STPG2: variants seen among roughly 807,000 people sequenced by gnomAD.
The protein encoded by STPG2 is sperm tail PG-rich repeat containing 2.
In STPG2, 56 loss-of-function variants were observed where a neutral mutation model predicts 54.2. The ratio of observed to expected loss-of-function variants is 1.03; its 90% CI spans 0.83 to 1.29. The LOEUF is 1.29. STPG2 is among the 50% of genes most tolerant of loss of function. The pLI is 0.00. For synonymous variants in STPG2, 200 were observed against 181.8 expected, an observed-to-expected ratio of 1.10 and a Z score of -0.81; for missense variants, 596 against 544.9, an observed-to-expected ratio of 1.09 and a Z score of -0.93.
intron 4 of STPG2, among the ~76,000 whole-genome samples, chr4:97,486,419 T>G (rs1179584530): frequency 6.6e-6 from 1 of 151,546 alleles, no homozygotes; most frequent in Non-Finnish European, 1.5e-5. Context: ...TGAAAAAATG[T>G]TCAACATCAC....
At chr4:97,697,458 T>C (rs1426637261) in intron 10 of STPG2, among the ~76,000 whole-genome samples, 1 of 152,156 alleles carries the variant, frequency 6.6e-6, no homozygotes, top group Non-Finnish European at 1.5e-5. Flanking sequence ...ATAAAAACAC[T>C]TGGAGGCTCT....
intron 8 of STPG2, among the ~76,000 whole-genome samples, chr4:97,872,206 G>C (rs34621463): frequency 0.26 from 39,571 of 150,806 alleles, 5,647 homozygotes; most frequent in Middle Eastern, 0.36. Flanking sequence ...GAAGTGCTAG[G>C]GGTATTTCAC....
chr4:97,820,996 C>T (rs1215962387), intron 9 of STPG2, among the ~76,000 whole-genome samples: 2 of 152,128 alleles, frequency 1.3e-5, no homozygotes, highest in Non-Finnish European at 2.9e-5. Context: ...TTGCAAATTA[C>T]AATCATGCTT....
intron 4 of STPG2, among the ~76,000 whole-genome samples, chr4:97,476,464 T>C (rs1280676354): frequency 6.6e-6 from 1 of 152,168 alleles, no homozygotes; most frequent in Non-Finnish European, 1.5e-5. Flanking sequence ...ATATACATGT[T>C]ATTCATATCT....
chr4:97,693,010 C>T (rs569326940), intron 10 of STPG2, among the ~76,000 whole-genome samples: 74 of 152,058 alleles, frequency 4.9e-4, no homozygotes, highest in African/African-American at 1.8e-3. Flanking sequence ...GAGAATTTGC[C>T]ACTACTAAGC....
intron 9 of STPG2, among the ~76,000 whole-genome samples, chr4:97,734,153 G>T (rs916830347): frequency 1.3e-5 from 2 of 152,004 alleles, no homozygotes; most frequent in Non-Finnish European, 2.9e-5. Context: ...TGAGTTATAT[G>T]GCCTTTACTG....
At chr4:98,055,361 A>C (rs1286384812) in intron 5 of STPG2, among the ~76,000 whole-genome samples, 1 of 152,046 alleles carries the variant, frequency 6.6e-6, no homozygotes, top group Non-Finnish European at 1.5e-5. Flanking sequence ...TTTTTAACAG[A>C]TCTTCAGAGG....
intron 9 of STPG2, among the ~76,000 whole-genome samples, chr4:97,724,671 TTTC>T (rs1260935808): frequency 1.3e-5 from 2 of 152,154 alleles, no homozygotes; most frequent in African/African-American, 4.8e-5. Flanking sequence ...GTTTATATCT[TTTC>T]TTCCAATACT....
intron 9 of STPG2, among the ~76,000 whole-genome samples, chr4:97,779,519 C>T (rs188685712): frequency 0.014 from 2,142 of 152,214 alleles, 29 homozygotes; most frequent in Non-Finnish European, 0.019. Flanking sequence ...AGGATATTAT[C>T]CAGGAGAACT....
chr4:97,771,606 G>A (rs191559702), intron 9 of STPG2, among the ~76,000 whole-genome samples: 2 of 152,178 alleles, frequency 1.3e-5, no homozygotes, highest in Admixed American at 6.5e-5. Context: ...TGGGGTTTCC[G>A]ATGCAGGAGA....
At chr4:97,836,504 T>C (rs141663992) in intron 9 of STPG2, among the ~76,000 whole-genome samples, 37 of 152,046 alleles carry the variant, frequency 2.4e-4, no homozygotes, top group African/African-American at 8.4e-4. Context: ...AAAAAACTCA[T>C]GTGACTCGCT....
chr4:97,970,675 G>A lies in STPG2; in HGVS notation c.933+1605C>T, dbSNP rs531121839. 4.2e-3 allele frequency among the ~76,000 whole-genome samples: 644 copies of A among 152,198 alleles called. 3 individuals carry two copies. The highest frequency in any genetic ancestry group is 0.024 in the South Asian group (117 of 4,828). ...AAAATTAATTCAAGATGGATTAAAG[G>A]CTTAAATGTTAGACCTAAAACCATA... On this transcript the variant is annotated intron_variant, in intron 7 of 10. Coordinates refer to ENST00000295268, the MANE Select transcript of STPG2 (RefSeq NM_174952.3).
intron 5 of STPG2, among the ~76,000 whole-genome samples, chr4:98,077,720 GAT>G: frequency 6.6e-6 from 1 of 152,114 alleles, no homozygotes; most frequent in East Asian, 1.9e-4. Context: ...ATGTTGCGTT[GAT>G]AAATCCTAAG....
At chr4:97,867,613 C>T (rs1413913762) in intron 8 of STPG2, among the ~76,000 whole-genome samples, 2 of 151,974 alleles carry the variant, frequency 1.3e-5, no homozygotes, top group African/African-American at 4.8e-5. Context: ...TAACAGAAGC[C>T]TTATTACAGT....
intron 4 of STPG2, among the ~76,000 whole-genome samples, chr4:97,536,449 G>C (rs770160865): frequency 2.6e-5 from 4 of 152,196 alleles, no homozygotes; most frequent in Non-Finnish European, 5.9e-5. Context: ...GCCTTGTGAA[G>C]AAGGTACTTG....
chr4:98,088,989 ACT>A (rs929535277), intron 5 of STPG2, among the ~76,000 whole-genome samples: 1 of 151,908 alleles, frequency 6.6e-6, no homozygotes, highest in Non-Finnish European at 1.5e-5. Flanking sequence ...GGTAGTAACA[ACT>A]CTCTTGAAAT....
At chr4:97,723,429 A>G (rs80298556) in intron 9 of STPG2, among the ~76,000 whole-genome samples, 1,990 of 152,184 alleles carry the variant, frequency 0.013, 40 homozygotes, top group African/African-American at 0.046. Flanking sequence ...CCATTATGCA[A>G]TATATTCATG....
At chr4:97,552,471 C>T (rs1731986467) in intron 4 of STPG2, among the ~76,000 whole-genome samples, 1 of 151,988 alleles carries the variant, frequency 6.6e-6, no homozygotes, top group Non-Finnish European at 1.5e-5. Flanking sequence ...ATGTTTTCAT[C>T]AGGTTTAATT....
chr4:97,514,875 T>C (rs997137711), intron 4 of STPG2, among the ~76,000 whole-genome samples: 1 of 152,104 alleles, frequency 6.6e-6, no homozygotes, highest in East Asian at 1.9e-4. Flanking sequence ...GGGTACCAAT[T>C]GGTATATCTT....
Sources: gnomAD v4.1 joint callset for allele counts (sites outside exome capture counted in the v4.1 genomes callset) on GRCh38, gnomAD v4.1.1 for gene constraint, MANE v1.5 for transcripts, NCBI Gene and HGNC (gene_info 2026-07-23, HGNC 2026-07-21) for gene names.